Variants in TNFRSF18 observed in about 807,000 individuals in gnomAD.
TNFRSF18 encodes tumor necrosis factor receptor superfamily member 18.
A neutral mutation model predicts 30.2 loss-of-function variants in TNFRSF18; 36 were observed. The observed-to-expected ratio is 1.19, with a 90% CI of 0.91 to 1.58. The LOEUF is 1.58. TNFRSF18 is among the 40% of genes most tolerant of loss of function. TNFRSF18 has a pLI of 0.00. For synonymous variants in TNFRSF18, 173 were observed against 158.3 expected, an observed-to-expected ratio of 1.09 and a Z score of -0.70; for missense variants, 369 against 345.4, an observed-to-expected ratio of 1.07 and a Z score of -0.54.
In TNFRSF18 at chr1:1,204,135, GT is replaced by G; in HGVS notation, c.499del (p.Thr167ProfsTer14). On this transcript the variant is annotated frameshift_variant, in exon 4 of 5. Transcript: ENST00000379268. LOFTEE classifies it high-confidence loss of function. ...SPPAEPLGWL[T>X]VVLLAVAACV... Reference sequence around the variant, plus strand: ...GGCGGCCACGGCCAGGAGGACGACGGTCAGCCACCCAAGCGGCTCTGCCGGC... The same window carrying G: ...GGCGGCCACGGCCAGGAGGACGACGGCAGCCACCCAAGCGGCTCTGCCGGC... 1 of 1,611,894 alleles carries G rather than the reference GT, an allele frequency of 6.2e-7. No individual in the cohort carries two copies. Among genetic ancestry groups the G allele is most frequent in the Non-Finnish European group, 8.5e-7 (1 of 1,179,628 alleles).
At position 1,203,850 on chromosome 1, in the gene TNFRSF18, C is replaced by T; in HGVS notation, c.720G>A (p.Trp240Ter). Residue 240 changes from tryptophan to a stop codon, truncating the protein, a stop_gained, in exon 5 of 5, where the codon TGG (tryptophan) becomes TGA (stop). Transcript: ENST00000379268. LOFTEE classifies it high-confidence loss of function. Reference sequence around the variant, plus strand: ...CCCCGGAGGACGGCCAGGCTCACACCCACAGGTCTCCCAGCCGCCCCTTCT... The same window carrying T: ...CCCCGGAGGACGGCCAGGCTCACACTCACAGGTCTCCCAGCCGCCCCTTCT... ...AEEKGRLGDL[W>*]V 1 of 1,593,934 alleles carries T rather than the reference C, an allele frequency of 6.3e-7. No individual in the cohort carries two copies. The highest frequency in any genetic ancestry group is 8.5e-7 in the Non-Finnish European group (1 of 1,175,116).
chr1:1,205,803 G>A lies in TNFRSF18; in HGVS notation c.188-311C>T, dbSNP rs569702370. The A allele has an allele frequency of 1.1e-5, 4 of 363,750 alleles. No individual in the cohort carries two copies. The South Asian group carries it at 1.3e-4, about 12-fold the overall frequency. 22.5% of individuals were successfully genotyped at this position (363,750 alleles called of 1,614,324 possible). A position where few individuals can be genotyped will look rare whatever the true frequency, so the allele number is the denominator to read the frequency against. On this transcript the variant is annotated intron_variant, in intron 1 of 4. Coordinates refer to ENST00000379268, the MANE Select transcript of TNFRSF18 (RefSeq NM_004195.3). ...GCCCCCAACAGTGCACAGTCCCCTG[G>A]AGGCCCGTCGACACCTCAGAGGCCG...
At chr1:1,205,823 A>C (rs1648796403) in intron 1 of TNFRSF18, 2 of 337,380 alleles carry the variant, frequency 5.9e-6, no homozygotes, top group African/African-American at 4.4e-5. Flanking sequence ...GACACCTCAG[A>C]GGCCGCCTGC....
Position 1,206,361 on chromosome 1 carries a change from G to A in TNFRSF18, c.187+24C>T, listed in dbSNP as rs11466677. ...CCGCGGGACGCCTTGGCCGGTCCGC[G>A]TTAAGTAAACGCGGTTTACTTACCC... On this transcript the variant is annotated intron_variant, in intron 1 of 4. Transcript: ENST00000379268. The A allele has an allele frequency of 8.5e-4, 1,307 of 1,544,470 alleles. 13 individuals carry two copies. The African/African-American group carries it at 0.014, about 16-fold the overall frequency.
rs754370937 is a variant in TNFRSF18, at chr1:1,206,410, C to T, written c.162G>A (p.Thr54=). Residue 54 remains threonine, a synonymous_variant, in exon 1 of 5, where the codon ACG becomes ACA. Coordinates refer to ENST00000379268, the MANE Select transcript of TNFRSF18 (RefSeq NM_004195.3). ...CCGGGTAATCGCGGCAGCAGCGCGT[C>T]GTGTGAACCCGGCAGCAGCGCGCGT... ...GTDARCCRVH[T]TRCCRDYPGE... is the part of the protein sequence containing the mutation. 16 of 1,547,296 alleles carry T rather than the reference C, an allele frequency of 1.0e-5. No individual in the cohort carries two copies. Among genetic ancestry groups the T allele is most frequent in the South Asian group, 9.5e-5 (8 of 83,964 alleles).
chr1:1,203,996 G>GC (rs1442395049), intron 4 of TNFRSF18, 28 bp from the exon 5 acceptor site: 1 of 1,607,490 alleles, frequency 6.2e-7, no homozygotes, highest in Non-Finnish European at 8.5e-7. Flanking sequence ...TCAGCAGGCA[G>GC]CCATGCTCCC....
In TNFRSF18 at chr1:1,203,597, C is replaced by A. The variant is rs1648638278; in HGVS notation, c.*247G>T. On this transcript the variant is annotated 3_prime_UTR_variant, in exon 5 of 5. Coordinates refer to ENST00000379268, the MANE Select transcript of TNFRSF18 (RefSeq NM_004195.3). ...ACGGACACAGCCTCCCGTCCTAAGA[C>A]CCCACCCCATCAGGGCCAGCAAGGG... 1.3e-6 allele frequency: 2 copies of A among 1,517,084 alleles called. No individual in the cohort carries two copies. The highest frequency in any genetic ancestry group is 1.8e-6 in the Non-Finnish European group (2 of 1,141,328). 94.0% of individuals were successfully genotyped at this position (1,517,084 alleles called of 1,614,324 possible). A position where few individuals can be genotyped will look rare whatever the true frequency, so the allele number is the denominator to read the frequency against.
At chr1:1,204,609 C>G in intron 2 of TNFRSF18, 123 bp from the exon 3 acceptor site, 1 of 725,566 alleles carries the variant, frequency 1.4e-6, no homozygotes, top group East Asian at 2.7e-5. Flanking sequence ...AATGCCCCCC[C>G]CATCATCCAT....
In TNFRSF18 at chr1:1,206,417, A is replaced by G. The variant is rs1282753964; in HGVS notation, c.155T>C (p.Val52Ala). The change falls in exon 1 of 5, where the codon GTT becomes GCT. Residue 52 changes from valine to alanine, a missense_variant. Transcript: ENST00000379268. ...ATCGCGGCAGCAGCGCGTCGTGTGA[A>G]CCCGGCAGCAGCGCGCGTCCGTTCC... ...GTGTDARCCR[V>A]HTTRCCRDYP... is the part of the protein sequence containing the mutation. 1 of 1,546,958 alleles carries G rather than the reference A, an allele frequency of 6.5e-7. No individual in the cohort carries two copies. Among genetic ancestry groups the G allele is most frequent in the Middle Eastern group, 2.1e-4 (1 of 4,874 alleles).
chr1:1,203,907 G>T lies in TNFRSF18; in HGVS notation c.663C>A (p.Pro221=), dbSNP rs199916456. The part of the protein sequence containing the change: ...STEDARSCQF[P]EEERGERSAE... ...CCGATCGCTCGCCCCGCTCTTCCTC[G>T]GGGAACTGGCAGCTTCTGGCGTCTT... is the stretch of plus-strand genomic sequence containing the variant. The change falls in exon 5 of 5, where the codon CCC becomes CCA. Residue 221 remains proline, a synonymous_variant. Coordinates refer to ENST00000379268, the MANE Select transcript of TNFRSF18 (RefSeq NM_004195.3). The T allele has an allele frequency of 6.2e-7, 1 of 1,607,426 alleles. No homozygotes were observed.
In TNFRSF18 at chr1:1,206,411, G is replaced by A. The variant is rs1219124620; in HGVS notation, c.161C>T (p.Thr54Met). ...GTDARCCRVH[T>M]TRCCRDYPGE... ...CGGGTAATCGCGGCAGCAGCGCGTC[G>A]TGTGAACCCGGCAGCAGCGCGCGTC... Residue 54 changes from threonine (T) to methionine (M), a missense_variant, in exon 1 of 5, where the codon ACG (threonine) becomes ATG (methionine). Physicochemically the swap from Thr to Met is moderately conservative, Grantham distance 81 (BLOSUM62 -1). Coordinates refer to ENST00000379268, the MANE Select transcript of TNFRSF18 (RefSeq NM_004195.3). 1.6e-5 allele frequency: 25 copies of A among 1,547,302 alleles called. No individual in the cohort carries two copies. The highest frequency in any genetic ancestry group is 1.2e-4 in the Admixed American group (6 of 50,924).
chr1:1,205,224 G>A, intron 2 of TNFRSF18, 146 bp downstream of exon 2: 2 of 1,234,310 alleles, frequency 1.6e-6, no homozygotes, highest in Middle Eastern at 2.8e-4. Context: ...TGGTGCCTGA[G>A]CATGGCCTGG....
In TNFRSF18 at chr1:1,203,628, G is replaced by C. The variant is rs771765242; in HGVS notation, c.*216C>G. The stretch of plus-strand genomic sequence containing the variant: ...CCCATCAGGGCCAGCAAGGGAGGAA[G>C]GGGGCCATGACTGTGTCTCTCTCTC... On this transcript the variant is annotated 3_prime_UTR_variant, in exon 5 of 5. Transcript: ENST00000379268. 8 of 1,537,372 alleles carry C rather than the reference G, an allele frequency of 5.2e-6. No homozygotes were observed. Among genetic ancestry groups the C allele is most frequent in the Middle Eastern group, 2.0e-4 (1 of 4,960 alleles).
chr1:1,206,357 C>A, intron 1 of TNFRSF18, 28 bp downstream of exon 1: 1 of 1,543,082 alleles, frequency 6.5e-7, no homozygotes, highest in Non-Finnish European at 8.7e-7. Context: ...CTTGGCCGGT[C>A]CGCGTTAAGT....
At position 1,204,194 on chromosome 1, in the gene TNFRSF18, C is replaced by G. The variant is rs144174164; in HGVS notation, c.441G>C (p.Lys147Asn). 1 of 1,612,080 alleles carries G rather than the reference C, an allele frequency of 6.2e-7. No individual in the cohort carries two copies. The highest frequency in any genetic ancestry group is 8.5e-7 in the Non-Finnish European group (1 of 1,179,644). ...FGFLTVFPGN[K>N]THNAVCVPGS... Reference sequence around the variant, plus strand: ...CTGGGACGCACACAGCGTTGTGGGTCTTGTTCCCAGGGAACACAGTGAGAA... The same window carrying G: ...CTGGGACGCACACAGCGTTGTGGGTGTTGTTCCCAGGGAACACAGTGAGAA... The change falls in exon 4 of 5, where the codon AAG (lysine) becomes AAC (asparagine). Residue 147 changes from lysine to asparagine, a missense_variant. Physicochemically the swap from Lys to Asn is moderately conservative, Grantham distance 94 (BLOSUM62 0). Transcript: ENST00000379268.
intron 1 of TNFRSF18, 86 bp from the exon 2 acceptor site, chr1:1,205,578 G>A: frequency 6.9e-7 from 1 of 1,455,416 alleles, no homozygotes; most frequent in Non-Finnish European, 9.4e-7. Flanking sequence ...AGGGGAGTGA[G>A]GTTGTCCGTT....
intron 1 of TNFRSF18, 163 bp from the exon 2 acceptor site, chr1:1,205,655 C>T (rs1648787786): frequency 2.8e-6 from 2 of 724,112 alleles, no homozygotes; most frequent in Non-Finnish European, 4.5e-6. Context: ...TGGGTTTATC[C>T]AGCTGTCTCT....
rs1365232262 is a variant in TNFRSF18, at chr1:1,203,889, C to T, written c.681G>A (p.Glu227=). The change falls in exon 5 of 5, where the codon GAG becomes GAA. Residue 227 remains glutamate (E), a synonymous_variant. Transcript: ENST00000379268. ...GCCGCCCCTTCTCCTCTGCCGATCG[C>T]TCGCCCCGCTCTTCCTCGGGGAACT... ...SCQFPEEERG[E]RSAEEKGRLG... is the part of the protein sequence containing the mutation. The T allele has an allele frequency of 3.1e-6, 5 of 1,605,434 alleles. No homozygotes were observed. The highest frequency in any genetic ancestry group is 3.4e-6 in the Non-Finnish European group (4 of 1,179,024).
In TNFRSF18 at chr1:1,205,931, G is replaced by C. The variant is rs1038416501; in HGVS notation, c.188-439C>G. Among the ~76,000 whole-genome samples, 4 of 152,192 alleles carry C rather than the reference G, an allele frequency of 2.6e-5. No individual in the cohort carries two copies. The East Asian group carries it at 7.7e-4, about 29-fold the overall frequency. ...ACAGGCCCTGGAGGAAGAAGCTCTG[G>C]GGTGACTTCCCTGCCAGCTTCCTCT... On this transcript the variant is annotated intron_variant, in intron 1 of 4. Coordinates refer to ENST00000379268, the MANE Select transcript of TNFRSF18 (RefSeq NM_004195.3).
Sources: gnomAD v4.1 joint callset for allele counts (sites outside exome capture counted in the v4.1 genomes callset) on GRCh38, gnomAD v4.1.1 for gene constraint, MANE v1.5 for transcripts, NCBI Gene and HGNC (gene_info 2026-07-23, HGNC 2026-07-21) for gene names.